Variants in GPC5 observed in about 807,000 individuals in gnomAD.
The protein encoded by GPC5 is glypican-5.
In GPC5, 47 loss-of-function variants were observed where a neutral mutation model predicts 53.9. The ratio of observed to expected loss-of-function variants is 0.87; its 90% CI spans 0.69 to 1.11. GPC5 has a LOEUF of 1.11. Ranked by LOEUF, GPC5 falls within the 50% of genes most tolerant of loss-of-function variation. The pLI is 0.00. For synonymous variants in GPC5, 286 were observed against 263.3 expected, an observed-to-expected ratio of 1.09 and a Z score of -0.84; for missense variants, 748 against 713.1, an observed-to-expected ratio of 1.05 and a Z score of -0.56.
intron 7 of GPC5, among the ~76,000 whole-genome samples, chr13:92,783,400 G>A (rs1876101528): frequency 6.6e-6 from 1 of 152,168 alleles, no homozygotes; most frequent in African/African-American, 2.4e-5. Context: ...TGTCATAAGG[G>A]TGACTCTCCC....
intron 7 of GPC5, among the ~76,000 whole-genome samples, chr13:92,275,612 C>T (rs2042869890): frequency 6.6e-6 from 1 of 152,178 alleles, no homozygotes; most frequent in Admixed American, 6.5e-5. Flanking sequence ...CTGAACATTT[C>T]TTTCACCCAT....
At chr13:92,401,818 A>G (rs1397091589) in intron 7 of GPC5, among the ~76,000 whole-genome samples, 2 of 152,114 alleles carry the variant, frequency 1.3e-5, no homozygotes, top group Non-Finnish European at 2.9e-5. Context: ...AAGACATTAC[A>G]TTGTTATGTA....
At chr13:92,304,109 T>C (rs1035659204) in intron 7 of GPC5, among the ~76,000 whole-genome samples, 1 of 152,164 alleles carries the variant, frequency 6.6e-6, no homozygotes, top group Non-Finnish European at 1.5e-5. Context: ...TGGCTGTATA[T>C]GGTGAACTCC....
intron 7 of GPC5, among the ~76,000 whole-genome samples, chr13:92,415,484 A>T (rs531712729): frequency 6.6e-6 from 1 of 152,184 alleles, no homozygotes; most frequent in Non-Finnish European, 1.5e-5. Flanking sequence ...CCTACCTTCT[A>T]TGACTGGATC....
chr13:92,005,663 G>A (rs1424583768), intron 6 of GPC5, among the ~76,000 whole-genome samples: 1 of 152,024 alleles, frequency 6.6e-6, no homozygotes, highest in Non-Finnish European at 1.5e-5. Flanking sequence ...TAGACTATAA[G>A]CTCCAAGAAA....
intron 5 of GPC5, among the ~76,000 whole-genome samples, chr13:91,852,362 G>A (rs1032605649): frequency 3.9e-5 from 6 of 151,944 alleles, no homozygotes; most frequent in African/African-American, 1.2e-4. Flanking sequence ...CCATTGAAAG[G>A]TCGTCAGGGC....
At chr13:91,583,307 G>C (rs143121344) in intron 2 of GPC5, among the ~76,000 whole-genome samples, 90 of 152,258 alleles carry the variant, frequency 5.9e-4, no homozygotes, top group African/African-American at 2.1e-3. Flanking sequence ...ATTCCATGAT[G>C]TATATTTGAA....
intron 7 of GPC5, among the ~76,000 whole-genome samples, chr13:92,673,131 T>C (rs1478117445): frequency 6.6e-6 from 1 of 150,844 alleles, no homozygotes; most frequent in Non-Finnish European, 1.5e-5. Context: ...ATGCATGACA[T>C]AATATGTTAT....
chr13:92,824,562 T>C (rs1474575615), intron 7 of GPC5, among the ~76,000 whole-genome samples: 1 of 152,032 alleles, frequency 6.6e-6, no homozygotes, highest in Non-Finnish European at 1.5e-5. Flanking sequence ...TGCTCAATCA[T>C]TTGTGTTAAG....
intron 3 of GPC5, among the ~76,000 whole-genome samples, chr13:91,695,160 C>T (rs1277178364): frequency 6.6e-6 from 1 of 152,044 alleles, no homozygotes; most frequent in East Asian, 1.9e-4. Flanking sequence ...GCTGGGTATC[C>T]CTATACAATT....
intron 1 of GPC5, among the ~76,000 whole-genome samples, chr13:91,439,716 G>A (rs527905732): frequency 3.9e-5 from 6 of 152,070 alleles, no homozygotes. Context: ...TCTATCATCT[G>A]CCAAGTCTTA....
intron 6 of GPC5, among the ~76,000 whole-genome samples, chr13:92,110,768 T>C (rs2041550471): frequency 6.6e-6 from 1 of 152,314 alleles, no homozygotes; most frequent in African/African-American, 2.4e-5. Flanking sequence ...CTCCTCATGT[T>C]TGTAAATGTA....
At chr13:92,565,632 G>A (rs1217777522) in intron 7 of GPC5, among the ~76,000 whole-genome samples, 1 of 151,948 alleles carries the variant, frequency 6.6e-6, no homozygotes, top group Non-Finnish European at 1.5e-5. Context: ...TTCCACTAAG[G>A]AAGAAACTTG....
At chr13:92,857,110 G>C (rs188431439) in intron 7 of GPC5, among the ~76,000 whole-genome samples, 1 of 151,934 alleles carries the variant, frequency 6.6e-6, no homozygotes, top group Admixed American at 6.6e-5. Flanking sequence ...GCATGGTACC[G>C]GTACAAAAAC....
intron 2 of GPC5, among the ~76,000 whole-genome samples, chr13:91,671,780 C>CAAAACA (rs2035250181): frequency 3.0e-5 from 1 of 33,124 alleles, no homozygotes; most frequent in African/African-American, 9.6e-5. Flanking sequence ...CAATCTGAAG[C>CAAAACA]AAAAAAAAAA....
intron 7 of GPC5, among the ~76,000 whole-genome samples, chr13:92,782,829 T>A (rs925584667): frequency 6.6e-6 from 1 of 152,122 alleles, no homozygotes; most frequent in Admixed American, 6.6e-5. Flanking sequence ...CTTTTGAATA[T>A]AAATTCTTTT....
chr13:92,409,642 G>A (rs755179702), intron 7 of GPC5, among the ~76,000 whole-genome samples: 8 of 152,044 alleles, frequency 5.3e-5, no homozygotes, highest in Non-Finnish European at 5.9e-5. Flanking sequence ...GACTTCACAT[G>A]TGCATCCCCT....
At chr13:91,902,339 A>C (rs1164541056) in intron 5 of GPC5, among the ~76,000 whole-genome samples, 1 of 152,094 alleles carries the variant, frequency 6.6e-6, no homozygotes, top group African/African-American at 2.4e-5. Context: ...TTATATGTTC[A>C]ACAGAGAGGG....
chr13:91,840,590 G>A (rs2038774570), intron 5 of GPC5, among the ~76,000 whole-genome samples: 1 of 151,686 alleles, frequency 6.6e-6, no homozygotes, highest in Non-Finnish European at 1.5e-5. Context: ...GGCCCTGTTT[G>A]TTCCCCTCCC....
Sources: gnomAD v4.1 joint callset for allele counts (sites outside exome capture counted in the v4.1 genomes callset) on GRCh38, gnomAD v4.1.1 for gene constraint, MANE v1.5 for transcripts, NCBI Gene and HGNC (gene_info 2026-07-23, HGNC 2026-07-21) for gene names.